KRT8: variants seen among roughly 807,000 people sequenced by gnomAD.
The protein encoded by KRT8 is keratin, type II cytoskeletal 8.
In KRT8, 24 loss-of-function variants were observed where a neutral mutation model predicts 43.0. The observed-to-expected ratio is 0.56, with a 90% CI of 0.40 to 0.78. The LOEUF (loss-of-function observed/expected upper bound fraction) is 0.78. Among genes scored for constraint, KRT8 ranks in the 30% least tolerant of loss-of-function variants. The pLI, the probability that KRT8 is intolerant of heterozygous loss-of-function variation, is 0.00. For synonymous variants in KRT8, 214 were observed against 261.2 expected, an observed-to-expected ratio of 0.82 and a Z score of 1.74; for missense variants, 492 against 638.4, an observed-to-expected ratio of 0.77 and a Z score of 2.47.
chr12:52,940,469 C>CA (rs1195845648), intron 2 of KRT8, among the ~76,000 whole-genome samples: 5 of 146,632 alleles, frequency 3.4e-5, no homozygotes, highest in East Asian at 4.0e-4. Context: ...AAAAGCTACA[C>CA]AAAAAAGCTA....
chr12:52,898,665 G>A lies in KRT8; in HGVS notation c.1202+14C>T, dbSNP rs750085507. On this transcript the variant is annotated intron_variant, in intron 6 of 7. Transcript: ENST00000692008. ...GATAGGGAAGCAGGTCCGGTCAGAG[G>A]TACCCACACCCACCGGCTCTCCTCG... 1 of 1,614,134 alleles carries A rather than the reference G, an allele frequency of 6.2e-7. No individual in the cohort carries two copies.
In KRT8 at chr12:52,897,584, GC is replaced by G. The variant is rs1941245433; in HGVS notation, c.1295del (p.Ser432ThrfsTer32). ...AGCCCAGGCTGTAGCTGAGGCCGGG[GC>G]TTGTGAGGCCCCCATAGGCCGAGCT... On this transcript the variant is annotated frameshift_variant, in exon 8 of 8. Coordinates refer to ENST00000692008, the Ensembl canonical transcript of KRT8. LOFTEE classifies it high-confidence loss of function. 1 of 1,598,118 alleles carries G rather than the reference GC, an allele frequency of 6.3e-7. No individual in the cohort carries two copies. Among genetic ancestry groups the G allele is most frequent in the South Asian group, 1.1e-5 (1 of 91,016 alleles).
chr12:52,917,174 G>A (rs1941756936), intron 2 of KRT8, among the ~76,000 whole-genome samples: 1 of 152,134 alleles, frequency 6.6e-6, no homozygotes, highest in African/African-American at 2.4e-5. Context: ...TGGATCACTT[G>A]AGGTCAGGCT....
chr12:52,930,799 A>G (rs926496485), intron 2 of KRT8, among the ~76,000 whole-genome samples: 2 of 151,558 alleles, frequency 1.3e-5, no homozygotes, highest in Non-Finnish European at 2.9e-5. Context: ...GGCTCAAGCA[A>G]TCCTCCCACC....
intron 2 of KRT8, chr12:52,948,928 G>A (rs1942401204): frequency 2.3e-6 from 1 of 434,088 alleles, no homozygotes; most frequent in African/African-American, 2.1e-5. Flanking sequence ...TGGCCACCCC[G>A]TTTCTGGGGG....
chr12:52,901,618 T>C (rs898730255), intron 2 of KRT8: 5 of 591,460 alleles, frequency 8.5e-6, no homozygotes, highest in South Asian at 2.0e-5. Flanking sequence ...CATGTCAACA[T>C]TGACACATAA....
At chr12:52,897,687 C>G (rs1941249702) in intron 7 of KRT8, 69 bp from the exon 8 acceptor site, 3 of 1,593,724 alleles carry the variant, frequency 1.9e-6, no homozygotes, top group Non-Finnish European at 2.5e-6. Context: ...TGCCCCTTCT[C>G]CCTGCTCATT....
At chr12:52,942,992 A>G (rs1942290411) in intron 2 of KRT8, among the ~76,000 whole-genome samples, 1 of 151,276 alleles carries the variant, frequency 6.6e-6, no homozygotes, top group African/African-American at 2.4e-5. Context: ...CTTAAATGTC[A>G]CTCCACTCCC....
At chr12:52,914,467 G>A (rs931361981) in intron 2 of KRT8, among the ~76,000 whole-genome samples, 6 of 152,114 alleles carry the variant, frequency 3.9e-5, no homozygotes, top group African/African-American at 1.4e-4. Context: ...AAGCCAGGAG[G>A]TGGAGGTTGC....
At chr12:52,908,167 G>A (rs1468421175), upstream of KRT8, among the ~76,000 whole-genome samples, 2 of 152,206 alleles carry the variant, frequency 1.3e-5, no homozygotes, top group South Asian at 2.1e-4. Flanking sequence ...GGGGCCAGTG[G>A]GGTGGGGAGG....
At chr12:52,924,537 C>A (rs116432658) in intron 2 of KRT8, among the ~76,000 whole-genome samples, 2,685 of 151,788 alleles carry the variant, frequency 0.018, 72 homozygotes, top group African/African-American at 0.059. Flanking sequence ...CTGCAGTGAA[C>A]TATGACAGGC....
chr12:52,904,345 C>T (rs887911017), intron 1 of KRT8, among the ~76,000 whole-genome samples: 2 of 152,072 alleles, frequency 1.3e-5, no homozygotes, highest in Non-Finnish European at 2.9e-5. Flanking sequence ...TGAGGAAGAA[C>T]GGGATTTGTA....
chr12:52,945,690 C>A (rs958954685), intron 2 of KRT8, among the ~76,000 whole-genome samples: 6 of 152,130 alleles, frequency 3.9e-5, no homozygotes, highest in Admixed American at 3.9e-4. Flanking sequence ...TCCCACTCCC[C>A]TTCTGCTGGA....
intron 2 of KRT8, among the ~76,000 whole-genome samples, chr12:52,916,304 T>G (rs1941739060): frequency 6.6e-6 from 1 of 152,174 alleles, no homozygotes; most frequent in African/African-American, 2.4e-5. Flanking sequence ...TCTGGAGGCC[T>G]GCAGTGTGGT....
chr12:52,902,635 G>C (rs938699613), intron 1 of KRT8, among the ~76,000 whole-genome samples: 1 of 152,014 alleles, frequency 6.6e-6, no homozygotes, highest in Non-Finnish European at 1.5e-5. Context: ...TGATTGGCCC[G>C]CCTTGGCCTC....
upstream of KRT8, chr12:52,907,093 C>T: frequency 4.3e-6 from 1 of 230,830 alleles, no homozygotes; most frequent in Non-Finnish European, 8.7e-6. Flanking sequence ...ACCTCCCCTC[C>T]CCTCCCCAGG....
chr12:52,898,929 A>AG, intron 5 of KRT8, 30 bp from the exon 6 acceptor site: 2 of 1,604,882 alleles, frequency 1.2e-6, no homozygotes, highest in Non-Finnish European at 8.5e-7. Context: ...TAAGTAGGTC[A>AG]GGTTGGGTAT....
intron 2 of KRT8, among the ~76,000 whole-genome samples, chr12:52,933,650 G>T (rs1301673273): frequency 6.6e-6 from 1 of 151,892 alleles, no homozygotes; most frequent in East Asian, 1.9e-4. Flanking sequence ...TTGAGACGGA[G>T]TTATGCTCTT....
chr12:52,911,145 A>G (rs1429925741), upstream of KRT8, among the ~76,000 whole-genome samples: 1 of 152,174 alleles, frequency 6.6e-6, no homozygotes, highest in African/African-American at 2.4e-5. Flanking sequence ...TGAGGTCAGC[A>G]GTTCAAGACC....
Sources: allele counts gnomAD v4.1 joint callset (sites outside exome capture counted in the v4.1 genomes callset), GRCh38; gene constraint gnomAD v4.1.1; transcripts MANE v1.5; gene names NCBI Gene and HGNC (gene_info 2026-07-23, HGNC 2026-07-21).